The following RYR2 variants were observed in gnomAD, a reference collection of about 807,000 sequenced individuals.
RYR2 encodes cardiac muscle ryanodine receptor-calcium release channel.
RYR2 carries 227 observed loss-of-function variants against 601.1 expected under a neutral mutation model. That is an observed-to-expected ratio of 0.38 (90% confidence interval 0.34 to 0.42). The LOEUF is 0.42. RYR2 is among the 10% of genes least tolerant of loss of function. The probability of loss-of-function intolerance (pLI) is 1.00; values close to 1 mark genes in which losing one functional copy is unlikely to be tolerated. For missense variants in RYR2, 4,646 were observed against 6,156.5 expected, an observed-to-expected ratio of 0.75 and a Z score of 8.21; for synonymous variants, 2,223 against 2,175.1, an observed-to-expected ratio of 1.02 and a Z score of -0.61.
chr1:237,718,214 T>A lies in RYR2; in HGVS notation c.10495-248T>A, dbSNP rs113547658. On this transcript the variant is annotated intron_variant, in intron 72 of 104. Transcript: ENST00000366574. ...TGCTATGCCCCCTTCTTCTTATGAATTGGAAACTTGATTCCATTGAATTTC... is the reference window on the plus strand; with the variant it reads ...TGCTATGCCCCCTTCTTCTTATGAAATGGAAACTTGATTCCATTGAATTTC... Among the ~76,000 whole-genome samples, 1,073 of 152,324 alleles carry A rather than the reference T, an allele frequency of 7.0e-3. 13 individuals are homozygous for A. The highest frequency in any genetic ancestry group is 0.025 in the African/African-American group (1,019 of 41,566).
chr1:237,466,621 T>C (rs1201472075), intron 16 of RYR2, among the ~76,000 whole-genome samples: 1 of 152,022 alleles, frequency 6.6e-6, no homozygotes, highest in Non-Finnish European at 1.5e-5. Context: ...TATTAATTTC[T>C]ACTTTTATTG....
intron 1 of RYR2, among the ~76,000 whole-genome samples, chr1:237,169,256 C>A (rs1230523970): frequency 6.6e-6 from 1 of 151,960 alleles, no homozygotes; most frequent in South Asian, 2.1e-4. Context: ...TTGTCTTGCT[C>A]ATGATATGGA....
chr1:237,646,888 G>A (rs1201456851), intron 48 of RYR2, among the ~76,000 whole-genome samples: 5 of 152,154 alleles, frequency 3.3e-5, no homozygotes, highest in Non-Finnish European at 7.3e-5. Flanking sequence ...AGGAGATGGT[G>A]CAAATAAAAC....
At chr1:237,137,016 CAAA>C (rs1167110660) in intron 1 of RYR2, among the ~76,000 whole-genome samples, 6 of 41,186 alleles carry the variant, frequency 1.5e-4, no homozygotes, top group African/African-American at 2.4e-4. Flanking sequence ...GACTCCATCT[CAAA>C]AAAAAAAAAA....
intron 1 of RYR2, among the ~76,000 whole-genome samples, chr1:237,198,315 A>C (rs1680788475): frequency 6.6e-6 from 1 of 152,158 alleles, no homozygotes; most frequent in Non-Finnish European, 1.5e-5. Flanking sequence ...ATACAAATGT[A>C]TTGCTATCTG....
At chr1:237,464,036 A>G (rs760635258) in intron 16 of RYR2, among the ~76,000 whole-genome samples, 2 of 152,328 alleles carry the variant, frequency 1.3e-5, no homozygotes, top group Non-Finnish European at 2.9e-5. Context: ...GTTCCTTTAA[A>G]TATTTATCAC....
rs987119584 is a variant in RYR2 at position 237,610,364 on chromosome 1, CA to C, written c.4684-397del. Reference sequence around the variant, plus strand: ...GAGAACAGATATTGAGAGAGAGAGCCAGGGGGATGTGACATATCTGTCATTC... The same window carrying C: ...GAGAACAGATATTGAGAGAGAGAGCCGGGGGATGTGACATATCTGTCATTC... On this transcript the variant is annotated intron_variant, in intron 35 of 104. Transcript: ENST00000366574. This position sits in a 1 kb window ranked among gnomAD's most constrained non-coding sequence, Gnocchi z 4.9. Among the ~76,000 whole-genome samples, 57 of 152,146 alleles carry C rather than the reference CA, an allele frequency of 3.7e-4. No individual in the cohort carries two copies. The highest frequency in any genetic ancestry group is 1.3e-3 in the African/African-American group (53 of 41,496).
intron 41 of RYR2, among the ~76,000 whole-genome samples, chr1:237,628,710 A>G (rs1349074091): frequency 6.6e-6 from 1 of 152,132 alleles, no homozygotes; most frequent in Non-Finnish European, 1.5e-5. Flanking sequence ...TTTAAGTCTC[A>G]TAGTAATGTA....
rs763389778 is a variant in RYR2, at chr1:237,610,813, G to A, written c.4735G>A (p.Val1579Met). 48 of 1,611,426 alleles carry A rather than the reference G, an allele frequency of 3.0e-5. No individual in the cohort carries two copies. Among genetic ancestry groups the A allele is most frequent in the African/African-American group, 2.0e-4 (15 of 74,874 alleles). Residue 1579 changes from valine to methionine, a missense_variant, in exon 36 of 105, where the codon GTG becomes ATG. Val to Met is a conservative substitution (Grantham distance 21). This residue lies in a region of RYR2 where 1,807 missense variants were observed against 2,088.1 expected (regional missense o/e 0.87). Transcript: ENST00000366574. The surrounding 1 kb of genome is among the most constrained non-coding windows in gnomAD (Gnocchi z 4.9). ...ATTCAAGAGTGAGCACAAGAACCCC[G>A]TGCCGCAGTGCCCCCCGCGCCTCCA... ...GLFKSEHKNPVPQCPPRLHVQ... is the reference protein window; with the variant it reads ...GLFKSEHKNPMPQCPPRLHVQ...
intron 1 of RYR2, among the ~76,000 whole-genome samples, chr1:237,168,570 G>A (rs147207573): frequency 9.6e-4 from 146 of 152,110 alleles, no homozygotes; most frequent in Non-Finnish European, 1.3e-3. Flanking sequence ...AGGAATATCC[G>A]TGTTTCCTGA....
At chr1:237,462,503 A>G (rs1367659262) in intron 16 of RYR2, among the ~76,000 whole-genome samples, 3 of 152,176 alleles carry the variant, frequency 2.0e-5, no homozygotes, top group Non-Finnish European at 4.4e-5. Context: ...TGGGATGCTT[A>G]CAAGACAGAA....
At position 237,464,489 on chromosome 1, in the gene RYR2, T is replaced by C. The variant is rs144607465; in HGVS notation, c.1613-4603T>C. Among the ~76,000 whole-genome samples, 1,015 of 152,152 alleles carry C rather than the reference T, an allele frequency of 6.7e-3. 2 individuals are homozygous for C. Among genetic ancestry groups the C allele is most frequent in the Non-Finnish European group, 0.011 (763 of 68,016 alleles). On this transcript the variant is annotated intron_variant, in intron 16 of 104. Transcript: ENST00000366574. ...TATTACAGGACATGGCCCTTTTTTT[T>C]CCTCTCCTGGGTCCATTCTTCTTCC...
At chr1:237,251,254 A>G (rs773749261) in intron 1 of RYR2, among the ~76,000 whole-genome samples, 1 of 152,142 alleles carries the variant, frequency 6.6e-6, no homozygotes, top group African/African-American at 2.4e-5. Flanking sequence ...TTGTAAAACA[A>G]GTCAAGAGTT....
chr1:237,574,801 TG>T (rs1457430734), intron 29 of RYR2, among the ~76,000 whole-genome samples: 2 of 152,120 alleles, frequency 1.3e-5, no homozygotes, highest in Non-Finnish European at 2.9e-5. Flanking sequence ...CCAGGGAGCT[TG>T]GAAGATGACT....
chr1:237,429,598 A>G (rs1706582617), intron 12 of RYR2, among the ~76,000 whole-genome samples: 1 of 152,180 alleles, frequency 6.6e-6, no homozygotes, highest in African/African-American at 2.4e-5. Context: ...AGCTGAATAG[A>G]GTCCATCTTT....
chr1:237,760,361 T>A (rs1272954640), intron 83 of RYR2, among the ~76,000 whole-genome samples: 45 of 100,078 alleles, frequency 4.5e-4, no homozygotes, highest in African/African-American at 6.9e-4. Context: ...GTCGCTAATT[T>A]AAAAAAAAAA....
At chr1:237,192,663 G>A (rs1466895098) in intron 1 of RYR2, among the ~76,000 whole-genome samples, 2 of 152,342 alleles carry the variant, frequency 1.3e-5, no homozygotes, top group East Asian at 3.9e-4. Flanking sequence ...GATTATGGGA[G>A]ACATTAATCA....
At chr1:237,201,326 T>G (rs1572183012) in intron 1 of RYR2, among the ~76,000 whole-genome samples, 1 of 152,236 alleles carries the variant, frequency 6.6e-6, no homozygotes, top group East Asian at 1.9e-4. Context: ...CTGGAAGAAC[T>G]TGATCTCGAC....
chr1:237,610,724 T>C lies in RYR2; in HGVS notation c.4684-38T>C. ...ATTACTTTGTGAACCCCAAGGGATG[T>C]TCTACATTTATTCTTTTTCTGCCTC... On this transcript the variant is annotated intron_variant, in intron 35 of 104. Transcript: ENST00000366574. This position sits in a 1 kb window ranked among gnomAD's most constrained non-coding sequence, Gnocchi z 4.9. 1 of 1,505,790 alleles carries C rather than the reference T, an allele frequency of 6.6e-7. No individual in the cohort carries two copies. Among genetic ancestry groups the C allele is most frequent in the Non-Finnish European group, 9.0e-7 (1 of 1,107,326 alleles). The allele number at this position is 1,505,790 out of a possible 1,614,324, so 93.3% of individuals were successfully genotyped here.
Sources: allele counts gnomAD v4.1 joint callset (sites outside exome capture counted in the v4.1 genomes callset), GRCh38; gene constraint gnomAD v4.1.1; regional missense constraint gnomAD v4.1.1; non-coding constraint Gnocchi (gnomAD v3.1); transcripts MANE v1.5; gene names NCBI Gene and HGNC (gene_info 2026-07-23, HGNC 2026-07-21).